Variants in STYX observed in about 807,000 individuals in gnomAD.
The protein encoded by STYX is serine/threonine/tyrosine interacting protein.
In STYX, 20 loss-of-function variants were observed where a neutral mutation model predicts 42.7. The observed-to-expected ratio is 0.47, with a 90% CI of 0.33 to 0.68. STYX has a LOEUF of 0.68. STYX is among the 30% of genes least tolerant of loss of function. The probability of loss-of-function intolerance (pLI) is 0.02; values close to 1 mark genes in which losing one functional copy is unlikely to be tolerated. For synonymous variants in STYX, 78 were observed against 81.9 expected, an observed-to-expected ratio of 0.95 and a Z score of 0.26; for missense variants, 226 against 268.5, an observed-to-expected ratio of 0.84 and a Z score of 1.11.
At chr14:52,766,649 A>C (rs1312592037) in intron 9 of STYX, among the ~76,000 whole-genome samples, 1 of 152,084 alleles carries the variant, frequency 6.6e-6, no homozygotes, top group Non-Finnish European at 1.5e-5. Context: ...TTTTTTTCTG[A>C]GTCACAGTGT....
Position 52,741,228 on chromosome 14 carries a change from A to ATTT in STYX, c.58-3623_58-3622insTTT, listed in dbSNP as rs200620004. 6.1e-4 allele frequency among the ~76,000 whole-genome samples: 77 copies of ATTT among 126,228 alleles called. 1 individual carries two copies. The highest frequency in any genetic ancestry group is 2.3e-3 in the South Asian group (9 of 3,910). The allele number at this position is 126,228 out of a possible 152,430, so 82.8% of individuals were successfully genotyped here. A position where few individuals can be genotyped will look rare whatever the true frequency, so the allele number is the denominator to read the frequency against. On this transcript the variant is annotated intron_variant, in intron 1 of 10. Coordinates refer to ENST00000354586, the MANE Select transcript of STYX (RefSeq NM_145251.4). ...TATGTTTTTATATATATATATATATATATTTTTTTTTTGGTAAAGCCTAGG... is the reference window on the plus strand; with the variant it reads ...TATGTTTTTATATATATATATATATATTTTATTTTTTTTTTGGTAAAGCCTAGG...
chr14:52,744,752 A>T, intron 1 of STYX, 100 bp from the exon 2 acceptor site: 1 of 1,097,114 alleles, frequency 9.1e-7, no homozygotes, highest in Non-Finnish European at 1.4e-6. Flanking sequence ...AGTATAATGT[A>T]ACTTTAAAAA....
At chr14:52,754,944 G>A (rs1172275617) in intron 4 of STYX, among the ~76,000 whole-genome samples, 1 of 151,998 alleles carries the variant, frequency 6.6e-6, no homozygotes, top group African/African-American at 2.4e-5. Context: ...AATGTTATGC[G>A]TTAAAATATT....
chr14:52,768,723 T>G (rs1450642088), intron 9 of STYX, 117 bp from the exon 10 acceptor site: 2 of 618,122 alleles, frequency 3.2e-6, no homozygotes, highest in Non-Finnish European at 5.2e-6. Flanking sequence ...TCAAACAATA[T>G]GGCACTAGAT....
At chr14:52,770,839 T>C (rs181206981) in intron 10 of STYX, among the ~76,000 whole-genome samples, 194 bp from the exon 11 acceptor site, 1 of 152,230 alleles carries the variant, frequency 6.6e-6, no homozygotes, top group East Asian at 1.9e-4. Context: ...AAGGAAAATA[T>C]ATCCTGTCAT....
intron 9 of STYX, among the ~76,000 whole-genome samples, chr14:52,768,553 G>T (rs773275904): frequency 2.0e-5 from 3 of 152,196 alleles, no homozygotes; most frequent in Admixed American, 1.3e-4. Context: ...GTTTTTTGGG[G>T]TTTTTTTAAA....
rs1414943710 is a variant in STYX at position 52,773,890 on chromosome 14, C to T, written c.*2784C>T. On this transcript the variant is annotated 3_prime_UTR_variant, in exon 11 of 11. Transcript: ENST00000354586. Reference sequence around the variant, plus strand: ...ATTTAAATAATGTATGAGTGACCACCCAATTCCAACATTAAAAGTGTAATC... The same window carrying T: ...ATTTAAATAATGTATGAGTGACCACTCAATTCCAACATTAAAAGTGTAATC... 2.6e-5 allele frequency: 4 copies of T among 152,008 alleles called. No homozygotes were observed. Among genetic ancestry groups the T allele is most frequent in the African/African-American group, 4.8e-5 (2 of 41,384 alleles). 9.4% of individuals were successfully genotyped at this position (152,008 alleles called of 1,614,324 possible). A position where few individuals can be genotyped will look rare whatever the true frequency, so the allele number is the denominator to read the frequency against.
At chr14:52,755,125 T>TG (rs1302553986) in intron 4 of STYX, among the ~76,000 whole-genome samples, 2 of 150,944 alleles carry the variant, frequency 1.3e-5, no homozygotes, top group Admixed American at 6.6e-5. Context: ...TTTTTTGTTT[T>TG]TTTTTTTTTG....
intron 4 of STYX, among the ~76,000 whole-genome samples, chr14:52,753,212 G>T (rs1455156342): frequency 6.6e-6 from 1 of 151,760 alleles, no homozygotes; most frequent in East Asian, 1.9e-4. Context: ...ACCACTCCCA[G>T]ATAATTTTTT....
chr14:52,767,701 A>G (rs1882360506), intron 9 of STYX, among the ~76,000 whole-genome samples: 1 of 152,166 alleles, frequency 6.6e-6, no homozygotes. Flanking sequence ...AGTAAGAAGC[A>G]GAGCTCCTTA....
intron 4 of STYX, among the ~76,000 whole-genome samples, chr14:52,752,616 T>G (rs1881665740): frequency 6.6e-6 from 1 of 152,100 alleles, no homozygotes; most frequent in Admixed American, 6.6e-5. Flanking sequence ...AATATATGTA[T>G]GTGTTTGGAT....
In STYX at chr14:52,774,591, A is replaced by ATTTTTTTTT. The variant is rs36115577; in HGVS notation, c.*3494_*3502dup. ...GTCTCTAGGGTCTTTGAATGCTGGA[A>ATTTTTTTTT]TTTTTTTTTTTTTTTTTGTCTTTCC... On this transcript the variant is annotated 3_prime_UTR_variant, in exon 11 of 11. Transcript: ENST00000354586. 2.9e-4 allele frequency: 39 copies of ATTTTTTTTT among 136,268 alleles called. No homozygotes were observed. Among genetic ancestry groups the ATTTTTTTTT allele is most frequent in the Non-Finnish European group, 3.5e-4 (22 of 63,020 alleles). The allele number at this position is 136,268 out of a possible 1,614,324, so 8.4% of individuals were successfully genotyped here.
At chr14:52,763,280 A>G (rs2139929938) in intron 9 of STYX, among the ~76,000 whole-genome samples, 1 of 152,214 alleles carries the variant, frequency 6.6e-6, no homozygotes, top group Admixed American at 6.5e-5. Flanking sequence ...TTCTACATAG[A>G]ATTAAGGAAA....
chr14:52,763,447 G>A (rs918092295), intron 9 of STYX, among the ~76,000 whole-genome samples: 13 of 151,906 alleles, frequency 8.6e-5, no homozygotes, highest in Non-Finnish European at 8.8e-5. Flanking sequence ...TTGAAAACTT[G>A]GTTTCTTTTT....
At chr14:52,747,549 T>C (rs1239838026) in intron 3 of STYX, among the ~76,000 whole-genome samples, 1 of 152,196 alleles carries the variant, frequency 6.6e-6, no homozygotes. Flanking sequence ...CAGGTAACTA[T>C]AGACATAGCC....
At chr14:52,766,421 G>C (rs960297408) in intron 9 of STYX, among the ~76,000 whole-genome samples, 1 of 151,976 alleles carries the variant, frequency 6.6e-6, no homozygotes, top group Non-Finnish European at 1.5e-5. Flanking sequence ...TGCCTGCCTC[G>C]GCCTCCCAAA....
chr14:52,745,235 C>T (rs1394379639), intron 2 of STYX, among the ~76,000 whole-genome samples: 1 of 152,112 alleles, frequency 6.6e-6, no homozygotes, highest in East Asian at 1.9e-4. Context: ...ATTCTCCTGC[C>T]TCAGCCTCCC....
In STYX at chr14:52,734,250, AAGTT is replaced by A. The variant is rs199589467; in HGVS notation, c.57+3724_57+3727del. On this transcript the variant is annotated intron_variant, in intron 1 of 10. Transcript: ENST00000354586. The stretch of plus-strand genomic sequence containing the variant: ...CGTGGAAAGTTAGGGTTTTCCCTTC[AAGTT>A]AGTTCTGGGAAGTCGGGGTGAAACA... Among the ~76,000 whole-genome samples, 1,167 of 152,250 alleles carry A rather than the reference AAGTT, an allele frequency of 7.7e-3. 30 individuals carry two copies. The highest frequency in any genetic ancestry group is 0.021 in the Admixed American group (315 of 15,294).
chr14:52,758,975 T>C (rs150653076), intron 8 of STYX, among the ~76,000 whole-genome samples: 4 of 152,338 alleles, frequency 2.6e-5, no homozygotes, highest in African/African-American at 9.6e-5. Context: ...ACCATTAATG[T>C]TGGAAATAAC....
Sources: allele counts gnomAD v4.1 joint callset (sites outside exome capture counted in the v4.1 genomes callset), GRCh38; gene constraint gnomAD v4.1.1; transcripts MANE v1.5; gene names NCBI Gene and HGNC (gene_info 2026-07-23, HGNC 2026-07-21).